PLAA: variants seen among roughly 807,000 people sequenced by gnomAD.
The protein encoded by PLAA is phospholipase A2 activating protein.
A neutral mutation model predicts 84.1 loss-of-function variants in PLAA; 48 were observed. That is an observed-to-expected ratio of 0.57 (90% CI 0.45 to 0.73). The LOEUF is 0.73. Among genes scored for constraint, PLAA ranks in the 30% least tolerant of loss-of-function variants. The pLI is 0.00. For synonymous variants in PLAA, 392 were observed against 336.6 expected, an observed-to-expected ratio of 1.16 and a Z score of -1.80; for missense variants, 903 against 954.7, an observed-to-expected ratio of 0.95 and a Z score of 0.71.
chr9:26,910,296 A>G (rs780724089), intron 12 of PLAA, 42 bp downstream of exon 12: 1 of 1,420,790 alleles, frequency 7.0e-7, no homozygotes, highest in Non-Finnish European at 9.9e-7. Flanking sequence ...GACATCTCAA[A>G]CAGTCTGTGA....
chr9:26,915,846 C>T, intron 10 of PLAA: 2 of 985,198 alleles, frequency 2.0e-6, no homozygotes, highest in Non-Finnish European at 2.4e-6. Flanking sequence ...TCTTTCTGTT[C>T]CAGAAAAAAA....
At chr9:26,926,108 T>A (rs753409712) in intron 5 of PLAA, 148 bp from the exon 6 acceptor site, 1 of 678,408 alleles carries the variant, frequency 1.5e-6, no homozygotes, top group East Asian at 2.7e-5. Flanking sequence ...TTACAACATA[T>A]ACAACTTCAA....
At chr9:26,917,018 C>T in intron 10 of PLAA, 79 bp downstream of exon 10, 8 of 1,161,416 alleles carry the variant, frequency 6.9e-6, no homozygotes, top group Non-Finnish European at 1.0e-5. Context: ...TGGATGACAT[C>T]TCCAAGATGT....
At chr9:26,942,712 C>T (rs540957830) in intron 1 of PLAA, among the ~76,000 whole-genome samples, 24 of 152,120 alleles carry the variant, frequency 1.6e-4, no homozygotes, top group Middle Eastern at 3.4e-3. Context: ...GAAACCCCGT[C>T]TCTACTAAAA....
chr9:26,927,478 C>T (rs762032595), intron 4 of PLAA, among the ~76,000 whole-genome samples: 1 of 151,994 alleles, frequency 6.6e-6, no homozygotes, highest in Non-Finnish European at 1.5e-5. Context: ...AGGGTAGTTA[C>T]CAACTTTTAA....
intron 1 of PLAA, among the ~76,000 whole-genome samples, chr9:26,945,807 T>C (rs559258463): frequency 3.3e-5 from 5 of 152,220 alleles, no homozygotes; most frequent in African/African-American, 1.2e-4. Context: ...TCCTCCCTAT[T>C]TGCTCTTCCA....
intron 11 of PLAA, among the ~76,000 whole-genome samples, chr9:26,911,281 T>C (rs978701333): frequency 4.6e-5 from 7 of 152,118 alleles, no homozygotes; most frequent in African/African-American, 1.7e-4. Flanking sequence ...GCCTCCAGAA[T>C]AGTTGGGATT....
chr9:26,936,238 G>A (rs1409962505), intron 1 of PLAA, among the ~76,000 whole-genome samples: 1 of 149,908 alleles, frequency 6.7e-6, no homozygotes, highest in East Asian at 1.9e-4. Flanking sequence ...AACCCACAAG[G>A]CCAAGGAGAA....
chr9:26,914,405 A>G (rs532045513), intron 10 of PLAA, among the ~76,000 whole-genome samples: 1 of 152,282 alleles, frequency 6.6e-6, no homozygotes, highest in South Asian at 2.1e-4. Flanking sequence ...AAACTTAAAG[A>G]GTAAGTATAG....
chr9:26,947,134 G>T lies in PLAA; in HGVS notation c.-89C>A. ...CGGAGAGCGCCGGGCCGCGGCGGGA[G>T]AAGAGCCTGCAGGTAAGGGGCGGCC... On this transcript the variant is annotated 5_prime_UTR_variant, in exon 1 of 14. Coordinates refer to ENST00000397292, the MANE Select transcript of PLAA (RefSeq NM_001031689.3). The T allele has an allele frequency of 7.2e-7, 1 of 1,380,578 alleles. No individual in the cohort carries two copies. Among genetic ancestry groups the T allele is most frequent in the Non-Finnish European group, 9.4e-7 (1 of 1,060,630 alleles). 85.5% of individuals were successfully genotyped at this position (1,380,578 alleles called of 1,614,324 possible). A position where few individuals can be genotyped will look rare whatever the true frequency, so the allele number is the denominator to read the frequency against.
In PLAA at chr9:26,917,134, T is replaced by C. The variant is rs1824588527; in HGVS notation, c.1449A>G (p.Gly483=). 1 of 1,613,820 alleles carries C rather than the reference T, an allele frequency of 6.2e-7. No homozygotes were observed. The highest frequency in any genetic ancestry group is 1.3e-5 in the African/African-American group (1 of 74,962). ...GGGRYVPGSS[G]SSNTLPTADP... ...CTGCTGTGGGTAGTGTGTTAGAAGATCCCGAAGAGCCCGGAACATACCGAC... is the reference window on the plus strand; with the variant it reads ...CTGCTGTGGGTAGTGTGTTAGAAGACCCCGAAGAGCCCGGAACATACCGAC... Residue 483 remains glycine (G), a synonymous_variant, in exon 10 of 14, where the codon GGA becomes GGG. Transcript: ENST00000397292.
At chr9:26,913,767 A>C (rs1824464398) in intron 11 of PLAA, 112 bp downstream of exon 11, 2 of 687,942 alleles carry the variant, frequency 2.9e-6, no homozygotes, top group Non-Finnish European at 4.9e-6. Flanking sequence ...TCGATTTACT[A>C]TATAAAAAGT....
At position 26,906,662 on chromosome 9, in the gene PLAA, A is replaced by G. The variant is rs571115252; in HGVS notation, c.1823-586T>C. Among the ~76,000 whole-genome samples the G allele has an allele frequency of 4.9e-4, 74 of 152,178 alleles. No individual in the cohort carries two copies. In the South Asian group the frequency reaches 0.015, roughly 31 times the overall value. On this transcript the variant is annotated intron_variant, in intron 13 of 13. Transcript: ENST00000397292. ...AGGCTGGTCTCAAACTCCTGACTTC[A>G]GGTGATCTACCCAAGTTGGTCTCCC...
chr9:26,909,870 C>T (rs928262274), intron 12 of PLAA, among the ~76,000 whole-genome samples: 7 of 152,116 alleles, frequency 4.6e-5, no homozygotes, highest in Non-Finnish European at 7.4e-5. Flanking sequence ...GCAGTCCGCC[C>T]GCCTTGGCCT....
intron 1 of PLAA, among the ~76,000 whole-genome samples, chr9:26,938,943 G>A (rs975649348): frequency 6.6e-6 from 1 of 152,114 alleles, no homozygotes. Flanking sequence ...GGGTGAAGAT[G>A]GAGCTATAAA....
intron 7 of PLAA, among the ~76,000 whole-genome samples, chr9:26,922,248 C>A (rs1028621381): frequency 6.6e-6 from 1 of 151,300 alleles, no homozygotes; most frequent in Non-Finnish European, 1.5e-5. Flanking sequence ...TCATCAAGGA[C>A]ATGCTTAATG....
At chr9:26,926,037 C>T (rs1158870084) in intron 5 of PLAA, 77 bp from the exon 6 acceptor site, 2 of 1,226,570 alleles carry the variant, frequency 1.6e-6, no homozygotes, top group Non-Finnish European at 2.3e-6. Context: ...TCTAGATACA[C>T]TGACTTTTTG....
chr9:26,924,114 T>A (rs917157845), intron 6 of PLAA, among the ~76,000 whole-genome samples: 2 of 152,136 alleles, frequency 1.3e-5, no homozygotes, highest in Admixed American at 1.3e-4. Context: ...CTATCCCTTA[T>A]AGCTGTCACC....
rs1325950848 is a variant in PLAA, at chr9:26,928,095, C to G, written c.565+5G>C. The G allele has an allele frequency of 6.2e-7, 1 of 1,612,052 alleles. No homozygotes were observed. The highest frequency in any genetic ancestry group is 1.1e-5 in the South Asian group (1 of 90,506). Reference sequence around the variant, plus strand: ...TATTATAAAACTTGTCTACCCTGATCTTACCTGAAAAAGTCCTCTCACATC... The same window carrying G: ...TATTATAAAACTTGTCTACCCTGATGTTACCTGAAAAAGTCCTCTCACATC... On this transcript the variant is annotated splice_donor_5th_base_variant and intron_variant, in intron 4 of 13. Transcript: ENST00000397292.
Sources: gnomAD v4.1 joint callset for allele counts (sites outside exome capture counted in the v4.1 genomes callset) on GRCh38, gnomAD v4.1.1 for gene constraint, MANE v1.5 for transcripts, NCBI Gene and HGNC (gene_info 2026-07-23, HGNC 2026-07-21) for gene names.